Variants in PRKCE observed in about 807,000 individuals in gnomAD.
PRKCE encodes protein kinase C epsilon type.
A neutral mutation model predicts 85.4 loss-of-function variants in PRKCE; 16 were observed. The observed-to-expected ratio is 0.19, with a 90% confidence interval of 0.13 to 0.28. The LOEUF is 0.28. Among genes scored for constraint, PRKCE ranks in the 10% least tolerant of loss-of-function variants. The pLI is 1.00. For synonymous variants in PRKCE, 388 were observed against 371.5 expected (o/e 1.04, Z -0.51); for missense variants, 573 against 975.2 (o/e 0.59, Z 5.49).
chr2:45,819,890 C>G (rs58415998), intron 1 of PRKCE, among the ~76,000 whole-genome samples: 1 of 152,152 alleles, frequency 6.6e-6, no homozygotes, highest in African/African-American at 2.4e-5. Context: ...GGGAAACAAT[C>G]GCATCAAGCT....
chr2:46,166,422 C>T (rs910675421), intron 14 of PRKCE, among the ~76,000 whole-genome samples: 24 of 152,240 alleles, frequency 1.6e-4, no homozygotes, highest in African/African-American at 5.5e-4. Flanking sequence ...ATCCAAGAGG[C>T]TACAAGAGCC....
chr2:45,826,092 G>C (rs894071030), intron 1 of PRKCE, among the ~76,000 whole-genome samples: 2 of 152,130 alleles, frequency 1.3e-5, no homozygotes, highest in African/African-American at 4.8e-5. Context: ...ACCCCACCCA[G>C]GGCAGTAGAA....
intron 2 of PRKCE, among the ~76,000 whole-genome samples, chr2:45,854,358 G>T (rs1692512129): frequency 6.6e-6 from 1 of 152,210 alleles, no homozygotes; most frequent in African/African-American, 2.4e-5. Flanking sequence ...TGTGAAACAG[G>T]TTACCATAGG....
chr2:46,072,021 ATTC>A, intron 10 of PRKCE, among the ~76,000 whole-genome samples: 1 of 152,354 alleles, frequency 6.6e-6, no homozygotes. Context: ...TGGTTCAACA[ATTC>A]TTCACAGAAG....
chr2:45,857,152 A>G (rs1350669931), intron 2 of PRKCE, among the ~76,000 whole-genome samples: 1 of 152,224 alleles, frequency 6.6e-6, no homozygotes, highest in African/African-American at 2.4e-5. Context: ...GGCTGTACTA[A>G]TAAAGGACCA....
chr2:45,912,262 G>T (rs939861143), intron 2 of PRKCE, among the ~76,000 whole-genome samples: 2 of 152,108 alleles, frequency 1.3e-5, no homozygotes, highest in African/African-American at 2.4e-5. Flanking sequence ...TGAGATAAGG[G>T]GTCAATGTCC....
chr2:45,961,708 T>C (rs1026418203), intron 2 of PRKCE, among the ~76,000 whole-genome samples: 18 of 147,528 alleles, frequency 1.2e-4, no homozygotes, highest in Non-Finnish European at 2.5e-4. Flanking sequence ...TTTTTTTTTT[T>C]CTTTGAGACG....
chr2:45,791,859 G>T (rs182012909), intron 1 of PRKCE, among the ~76,000 whole-genome samples: 4 of 152,102 alleles, frequency 2.6e-5, no homozygotes, highest in African/African-American at 4.8e-5. Context: ...TGAGAATCCC[G>T]GTTCAAATAC....
At chr2:46,070,558 G>A (rs545427249) in intron 10 of PRKCE, among the ~76,000 whole-genome samples, 11 of 152,132 alleles carry the variant, frequency 7.2e-5, no homozygotes, top group Middle Eastern at 3.4e-3. Context: ...CAGGAGAATC[G>A]CTTGAACCCT....
At chr2:45,688,367 T>C (rs1677465006) in intron 1 of PRKCE, among the ~76,000 whole-genome samples, 1 of 152,200 alleles carries the variant, frequency 6.6e-6, no homozygotes, top group African/African-American at 2.4e-5. Context: ...CTGAGATTCA[T>C]GGATGTTCAA....
intron 1 of PRKCE, among the ~76,000 whole-genome samples, chr2:45,781,258 G>T (rs928463796): frequency 6.6e-6 from 1 of 152,114 alleles, no homozygotes; most frequent in African/African-American, 2.4e-5. Context: ...GATTGCTTGA[G>T]CCCATGAGGT....
At position 46,133,187 on chromosome 2, in the gene PRKCE, G is replaced by T. The variant is rs146619483; in HGVS notation, c.1593-11906G>T. Among the ~76,000 whole-genome samples the T allele has an allele frequency of 3.2e-3, 483 of 152,234 alleles. 4 individuals are homozygous for T. The highest frequency in any genetic ancestry group is 4.9e-3 in the Non-Finnish European group (330 of 68,010). On this transcript the variant is annotated intron_variant, in intron 11 of 14. Transcript: ENST00000306156. ...GTATTGGGTTCTACGGTCCACTTCC[G>T]CCAGGCTCCAAGAACGCCCCCAGAA...
At chr2:45,870,969 G>A (rs929590779) in intron 2 of PRKCE, among the ~76,000 whole-genome samples, 2 of 152,210 alleles carry the variant, frequency 1.3e-5, no homozygotes, top group African/African-American at 4.8e-5. Context: ...TGAATGCCCA[G>A]TCCCAACCTG....
Position 45,906,860 on chromosome 2 carries a change from C to G in PRKCE, c.412+63797C>G, listed in dbSNP as rs556316532. ...CTGATGGGAACTTCTGTTTGATACT[C>G]AGAACATCTTCAGAGATGGGTCACA... On this transcript the variant is annotated intron_variant, in intron 2 of 14. Transcript: ENST00000306156. Among the ~76,000 whole-genome samples the G allele has an allele frequency of 4.6e-5, 7 of 152,338 alleles. No individual in the cohort carries two copies. The South Asian group carries it at 1.5e-3, about 32-fold the overall frequency.
chr2:45,671,948 G>A (rs188753478), intron 1 of PRKCE, among the ~76,000 whole-genome samples: 188 of 151,674 alleles, frequency 1.2e-3, no homozygotes, highest in Non-Finnish European at 2.2e-3. Context: ...CTGTGGCCCC[G>A]GCTACTTGGG....
At chr2:46,104,558 A>G (rs991504084) in intron 11 of PRKCE, among the ~76,000 whole-genome samples, 8 of 152,196 alleles carry the variant, frequency 5.3e-5, no homozygotes, top group African/African-American at 1.9e-4. Context: ...AGAGTACTAT[A>G]TACAATGAGC....
At chr2:45,781,307 G>A (rs893644641) in intron 1 of PRKCE, among the ~76,000 whole-genome samples, 1 of 152,130 alleles carries the variant, frequency 6.6e-6, no homozygotes, top group Non-Finnish European at 1.5e-5. Flanking sequence ...ATTGCATTCC[G>A]GCATGGGTGA....
chr2:46,166,415 C>T (rs985100418), intron 14 of PRKCE, among the ~76,000 whole-genome samples: 2 of 152,218 alleles, frequency 1.3e-5, no homozygotes, highest in African/African-American at 4.8e-5. Context: ...GCTTACCATC[C>T]AAGAGGCTAC....
rs534619801 is a variant in PRKCE, at chr2:45,743,874, G to A, written c.348+91426G>A. On this transcript the variant is annotated intron_variant, in intron 1 of 14. Transcript: ENST00000306156. ...GAAATAGGAAACTGGCCTGGTCAGA[G>A]ATGGCCCAAGCACCAGCATGACCTC... Among the ~76,000 whole-genome samples the A allele has an allele frequency of 4.6e-5, 7 of 152,274 alleles. No homozygotes were observed. The South Asian group carries it at 1.5e-3, about 32-fold the overall frequency.
Sources: gnomAD v4.1 joint callset for allele counts (sites outside exome capture counted in the v4.1 genomes callset) on GRCh38, gnomAD v4.1.1 for gene constraint, MANE v1.5 for transcripts, NCBI Gene and HGNC (gene_info 2026-07-23, HGNC 2026-07-21) for gene names.